Variants in SLC7A14 observed in about 807,000 individuals in gnomAD.
SLC7A14 encodes gamma-aminobutyric acid transporter SLC7A14.
Under a neutral mutation model 60.2 loss-of-function variants are expected in SLC7A14, and 37 were observed. That is an observed-to-expected ratio of 0.61 (90% CI 0.47 to 0.81). The LOEUF is 0.81. SLC7A14 is among the 30% of genes least tolerant of loss of function. The pLI is 0.00. For synonymous variants in SLC7A14, 399 were observed against 395.8 expected (o/e 1.01, Z -0.10); for missense variants, 886 against 982.7 (o/e 0.90, Z 1.32).
chr3:170,547,220 CT>C (rs1714207373), intron 1 of SLC7A14, among the ~76,000 whole-genome samples: 1 of 152,140 alleles, frequency 6.6e-6, no homozygotes, highest in South Asian at 2.1e-4. Context: ...TAGTTTCCAC[CT>C]TCTGAAGTGG....
intron 7 of SLC7A14, among the ~76,000 whole-genome samples, chr3:170,479,202 CTAAG>C (rs1711732559): frequency 6.6e-6 from 1 of 152,072 alleles, no homozygotes; most frequent in African/African-American, 2.4e-5. Flanking sequence ...CTCTCTTGGG[CTAAG>C]TGACTCGTGT....
At chr3:170,487,202 C>T (rs1487934685) in intron 4 of SLC7A14, among the ~76,000 whole-genome samples, 2 of 142,064 alleles carry the variant, frequency 1.4e-5, no homozygotes, top group African/African-American at 2.6e-5. Flanking sequence ...CCACATGGCT[C>T]CAGGGGTGTT....
intron 4 of SLC7A14, among the ~76,000 whole-genome samples, chr3:170,488,859 A>C (rs1052276323): frequency 1.3e-5 from 2 of 152,034 alleles, no homozygotes; most frequent in Admixed American, 1.3e-4. Flanking sequence ...TACACGTTCA[A>C]GTCCTTTGTG....
chr3:170,482,393 G>C (rs980756817), intron 6 of SLC7A14, among the ~76,000 whole-genome samples: 2 of 152,230 alleles, frequency 1.3e-5, no homozygotes, highest in African/African-American at 2.4e-5. Flanking sequence ...GATGGCTTCA[G>C]AGAGTATGCA....
intron 4 of SLC7A14, among the ~76,000 whole-genome samples, chr3:170,493,379 T>C (rs1217379631): frequency 6.6e-6 from 1 of 152,124 alleles, no homozygotes; most frequent in Non-Finnish European, 1.5e-5. Context: ...GGTTAGAGGA[T>C]GGATTGTTCA....
rs540250976 is a variant in SLC7A14 at position 170,490,217 on chromosome 3, C to T, written c.760-3849G>A. 4.1e-4 allele frequency among the ~76,000 whole-genome samples: 62 copies of T among 152,298 alleles called. 2 individuals are homozygous for T. The highest frequency in any genetic ancestry group is 1.4e-3 in the African/African-American group (57 of 41,558). On this transcript the variant is annotated intron_variant, in intron 4 of 7. Transcript: ENST00000231706. ...ATCTCATGTACCCCATAAATATATA[C>T]ACGTACTAAGTACCCACAAAACAAA...
chr3:170,472,767 C>CAAAA (rs11456241), intron 7 of SLC7A14, among the ~76,000 whole-genome samples: 1 of 107,206 alleles, frequency 9.3e-6, no homozygotes, highest in Non-Finnish European at 2.0e-5. Context: ...GACTCCGTCT[C>CAAAA]AAAAAAAAAA....
At chr3:170,536,114 G>A (rs147651874) in intron 1 of SLC7A14, among the ~76,000 whole-genome samples, 94 of 152,234 alleles carry the variant, frequency 6.2e-4, no homozygotes, top group Middle Eastern at 3.4e-3. Flanking sequence ...ATCCCTGAGC[G>A]TCAGTTTTAT....
chr3:170,537,836 G>T (rs912464901), intron 1 of SLC7A14, among the ~76,000 whole-genome samples: 1 of 152,244 alleles, frequency 6.6e-6, no homozygotes, highest in African/African-American at 2.4e-5. Context: ...ATTTAAAAAG[G>T]TGAATGGAGC....
chr3:170,578,628 A>G (rs1715160766), intron 1 of SLC7A14, among the ~76,000 whole-genome samples: 1 of 152,234 alleles, frequency 6.6e-6, no homozygotes, highest in Non-Finnish European at 1.5e-5. Context: ...GTAATTGTAT[A>G]TAAGTATTAG....
chr3:170,563,491 C>T (rs957713863), intron 1 of SLC7A14, among the ~76,000 whole-genome samples: 1 of 148,334 alleles, frequency 6.7e-6, no homozygotes, highest in Non-Finnish European at 1.5e-5. Flanking sequence ...GATCTCGGCT[C>T]ACTGCAACCT....
At chr3:170,554,900 G>A (rs1714445520) in intron 1 of SLC7A14, among the ~76,000 whole-genome samples, 1 of 152,172 alleles carries the variant, frequency 6.6e-6, no homozygotes, top group Admixed American at 6.5e-5. Flanking sequence ...CGGGCGCGGT[G>A]GCTCACGCCT....
At chr3:170,471,260 C>A (rs114104287) in intron 7 of SLC7A14, among the ~76,000 whole-genome samples, 2 of 152,108 alleles carry the variant, frequency 1.3e-5, no homozygotes, top group African/African-American at 4.8e-5. Context: ...TAATCCAGGG[C>A]GCTTCTATCC....
chr3:170,582,738 G>A (rs939050200), intron 1 of SLC7A14, among the ~76,000 whole-genome samples: 1 of 152,220 alleles, frequency 6.6e-6, no homozygotes, highest in Admixed American at 6.5e-5. Flanking sequence ...AATATTAAGA[G>A]ATGAGAGAGC....
Position 170,483,518 on chromosome 3 carries a change from C to A in SLC7A14, c.911G>T (p.Ser304Ile). 4.3e-6 allele frequency: 7 copies of A among 1,614,180 alleles called. No individual in the cohort carries two copies. Among genetic ancestry groups the A allele is most frequent in the Non-Finnish European group, 5.9e-6 (7 of 1,180,036 alleles). Residue 304 changes from serine to isoleucine, a missense_variant, in exon 6 of 8, where the codon AGC becomes ATC. Coordinates refer to ENST00000231706, the MANE Select transcript of SLC7A14 (RefSeq NM_020949.3). ...TGGCACCATCAGAGTTAAGATCACG[C>A]TCACCTGTTAAAACAAGAGAAGACA... is the stretch of plus-strand genomic sequence containing the variant. ...VICLTAYVSV[S>I]VILTLMVPYY... is the part of the protein sequence containing the mutation.
Position 170,496,643 on chromosome 3 carries a change from C to T in SLC7A14, c.759+2024G>A. On this transcript the variant is annotated intron_variant, in intron 4 of 7. Coordinates refer to ENST00000231706, the MANE Select transcript of SLC7A14 (RefSeq NM_020949.3). ...AGGGCGAGGAGAGCCCGGCTGGAGT[C>T]TGGGATGCAGAACACGAGTATCCAT... The T allele has an allele frequency of 5.7e-6, 8 of 1,415,090 alleles. No individual in the cohort carries two copies. The South Asian group carries it at 9.2e-5, about 16-fold the overall frequency. The allele number at this position is 1,415,090 out of a possible 1,614,324, so 87.7% of individuals were successfully genotyped here. A position where few individuals can be genotyped will look rare whatever the true frequency, so the allele number is the denominator to read the frequency against.
At position 170,532,839 on chromosome 3, in the gene SLC7A14, G is replaced by A. The variant is rs1713720970; in HGVS notation, c.-152-5751C>T. On this transcript the variant is annotated intron_variant, in intron 1 of 7. Transcript: ENST00000231706. This position sits in a 1 kb window ranked among gnomAD's most constrained non-coding sequence, Gnocchi z 4.0. The stretch of plus-strand genomic sequence containing the variant: ...CTCCTGGCTGCAGCCTGTGCACCTG[G>A]TACTTCCACTCCAAGGGATTCTTAT... Among the ~76,000 whole-genome samples the A allele has an allele frequency of 6.6e-6, 1 of 152,142 alleles. No individual in the cohort carries two copies. The highest frequency in any genetic ancestry group is 2.1e-4 in the South Asian group (1 of 4,826).
chr3:170,492,391 G>A (rs975676441), intron 4 of SLC7A14, among the ~76,000 whole-genome samples: 1 of 152,172 alleles, frequency 6.6e-6, no homozygotes, highest in Non-Finnish European at 1.5e-5. Flanking sequence ...TGTAGTTCCA[G>A]TTACTTGGGA....
At position 170,480,334 on chromosome 3, in the gene SLC7A14, GC is replaced by G. The variant is rs1711766841; in HGVS notation, c.1947del (p.Lys649AsnfsTer112). ...AMLVNIYLML[K>X]LSTITWIRFA... ...AACCGGATCCATGTGATGGTGGAGA[GC>G]TTTAGCATGAGATAGATGTTCACCA... On this transcript the variant is annotated frameshift_variant, in exon 7 of 8. Coordinates refer to ENST00000231706, the MANE Select transcript of SLC7A14 (RefSeq NM_020949.3). LOFTEE classifies it high-confidence loss of function. 1 of 1,572,340 alleles carries G rather than the reference GC, an allele frequency of 6.4e-7. No homozygotes were observed. The highest frequency in any genetic ancestry group is 2.2e-5 in the East Asian group (1 of 44,488).
Sources: gnomAD v4.1 joint callset for allele counts (sites outside exome capture counted in the v4.1 genomes callset) on GRCh38, gnomAD v4.1.1 for gene constraint, Gnocchi (gnomAD v3.1) non-coding constraint, MANE v1.5 for transcripts, NCBI Gene and HGNC (gene_info 2026-07-23, HGNC 2026-07-21) for gene names.